SBF2: variants seen among roughly 807,000 people sequenced by gnomAD.
SBF2 encodes SET binding factor 2.
SBF2 carries 112 observed loss-of-function variants against 225.2 expected under a neutral mutation model. The observed-to-expected ratio is 0.50, with a 90% CI of 0.43 to 0.58. The LOEUF (loss-of-function observed/expected upper bound fraction) is 0.58. Among genes scored for constraint, SBF2 ranks in the 20% least tolerant of loss-of-function variants. The pLI, the probability that SBF2 is intolerant of heterozygous loss-of-function variation, is 0.00. For synonymous variants in SBF2, 763 were observed against 773.3 expected (o/e 0.99, Z 0.22); for missense variants, 1,996 against 2,206.2 (o/e 0.90, Z 1.91).
intron 1 of SBF2, among the ~76,000 whole-genome samples, chr11:10,227,101 T>C (rs1319721310): frequency 6.6e-6 from 1 of 152,112 alleles, no homozygotes; most frequent in African/African-American, 2.4e-5. Context: ...TTTCATGTGT[T>C]TTTTGGCTGC....
At chr11:9,922,604 T>A (rs1299233208) in intron 16 of SBF2, among the ~76,000 whole-genome samples, 1 of 152,202 alleles carries the variant, frequency 6.6e-6, no homozygotes, top group Non-Finnish European at 1.5e-5. Context: ...TTTAAAGAAA[T>A]GTTATTATGG....
intron 16 of SBF2, among the ~76,000 whole-genome samples, chr11:9,922,081 T>C (rs1211127065): frequency 1.3e-5 from 2 of 151,804 alleles, no homozygotes; most frequent in Non-Finnish European, 2.9e-5. Context: ...ACTCCGATTG[T>C]ACAAAAAACT....
At chr11:10,225,883 C>G (rs779219436) in intron 1 of SBF2, among the ~76,000 whole-genome samples, 4 of 152,228 alleles carry the variant, frequency 2.6e-5, no homozygotes, top group South Asian at 2.1e-4. Context: ...ATATACCCCA[C>G]AGTTTGAAAT....
At chr11:9,924,678 C>T (rs1863895381) in intron 16 of SBF2, among the ~76,000 whole-genome samples, 1 of 152,166 alleles carries the variant, frequency 6.6e-6, no homozygotes, top group African/African-American at 2.4e-5. Flanking sequence ...GCGATCCACC[C>T]CCCTCAGCCT....
chr11:9,829,438 G>T lies in SBF2; in HGVS notation c.3711C>A (p.Ala1237=), dbSNP rs772156189. 1 of 1,613,760 alleles carries T rather than the reference G, an allele frequency of 6.2e-7. No individual in the cohort carries two copies. The highest frequency in any genetic ancestry group is 8.5e-7 in the Non-Finnish European group (1 of 1,179,646). Reference sequence around the variant, plus strand: ...GATGGACAGAAACAGCATTCAGTAAGGCTTGCAAGTATTTCTCTTGTTCTA... The same window carrying T: ...GATGGACAGAAACAGCATTCAGTAATGCTTGCAAGTATTTCTCTTGTTCTA... ...SSIEQEKYLQ[A]LLNAVSVHQK... The change falls in exon 28 of 40, where the codon GCC becomes GCA. Residue 1237 remains alanine (A), a synonymous_variant. Transcript: ENST00000256190.
intron 17 of SBF2, among the ~76,000 whole-genome samples, chr11:9,892,981 T>C (rs1441630368): frequency 2.0e-5 from 3 of 152,232 alleles, no homozygotes; most frequent in Non-Finnish European, 1.5e-5. Context: ...CATGTCAATG[T>C]TTTATTAATG....
chr11:10,069,046 T>C (rs1472311914), intron 2 of SBF2, among the ~76,000 whole-genome samples: 3 of 152,206 alleles, frequency 2.0e-5, no homozygotes, highest in Admixed American at 6.5e-5. Context: ...TGCATTTACC[T>C]ACATATGTAT....
chr11:10,064,411 G>A (rs1455984179), intron 2 of SBF2, among the ~76,000 whole-genome samples: 2 of 151,792 alleles, frequency 1.3e-5, no homozygotes, highest in East Asian at 3.9e-4. Context: ...AAAAATAAAG[G>A]GTAAAAAGGA....
At chr11:10,022,435 T>C (rs1003201589) in intron 6 of SBF2, among the ~76,000 whole-genome samples, 2 of 152,104 alleles carry the variant, frequency 1.3e-5, no homozygotes, top group Non-Finnish European at 2.9e-5. Flanking sequence ...AGGACATAAA[T>C]AATTTTACAA....
chr11:10,238,136 C>T (rs769191932), intron 1 of SBF2, among the ~76,000 whole-genome samples: 14 of 152,116 alleles, frequency 9.2e-5, no homozygotes, highest in Non-Finnish European at 1.6e-4. Context: ...GGCTGGTGCA[C>T]GGTGGCTCAT....
rs150721106 is a variant in SBF2, at chr11:9,897,885, C to T, written c.1861-1874G>A. Among the ~76,000 whole-genome samples the T allele has an allele frequency of 5.3e-3, 814 of 152,268 alleles. 11 individuals carry two copies. In the Middle Eastern group the frequency reaches 0.068, roughly 13 times the overall value. ...TCAGTGTGGTGTTTTTTCCTCTAGA[C>T]ACTGCCTTTTGTACTTGCTTTCCTT... is the stretch of plus-strand genomic sequence containing the variant. On this transcript the variant is annotated intron_variant, in intron 16 of 39. Transcript: ENST00000256190.
In SBF2 at chr11:9,789,169, C is replaced by A. The variant is rs539369489; in HGVS notation, c.4872G>T (p.Val1624=). ...AGCTGACATCATCATAGCATGGCCA[C>A]ACTGTTCTCCTCTGGCTCCGTGGCC... ...EAGPRSQRRT[V]WPCYDDVSCT... is the part of the protein sequence containing the mutation. Residue 1624 remains valine (V), a synonymous_variant, in exon 35 of 40, where the codon GTG becomes GTT. Transcript: ENST00000256190. 98 of 1,614,032 alleles carry A rather than the reference C, an allele frequency of 6.1e-5. No individual in the cohort carries two copies. The highest frequency in any genetic ancestry group is 7.8e-5 in the Non-Finnish European group (92 of 1,180,036).
At chr11:10,128,047 T>C (rs1339428336) in intron 2 of SBF2, among the ~76,000 whole-genome samples, 4 of 152,210 alleles carry the variant, frequency 2.6e-5, no homozygotes, top group Non-Finnish European at 5.9e-5. Context: ...AGGTTAGCAT[T>C]CAGTATTACT....
rs1443844695 is a variant in SBF2 at position 10,190,424 on chromosome 11, CATT to C, written c.141+3475_141+3477del. 7.9e-5 allele frequency among the ~76,000 whole-genome samples: 12 copies of C among 152,254 alleles called. 1 individual carries two copies. The highest frequency in any genetic ancestry group is 7.8e-4 in the Admixed American group (12 of 15,302). On this transcript the variant is annotated intron_variant, in intron 2 of 39. Transcript: ENST00000256190. ...AATATCCCAGAATTGGAAAAGTAGT[CATT>C]ATGTTTGGTTTAGCTTACTTTCATA...
intron 17 of SBF2, among the ~76,000 whole-genome samples, chr11:9,881,414 T>C (rs1222749626): frequency 6.6e-6 from 1 of 152,136 alleles, no homozygotes; most frequent in East Asian, 1.9e-4. Context: ...ACAGTTGTTT[T>C]AGGAAGAACG....
intron 17 of SBF2, among the ~76,000 whole-genome samples, chr11:9,868,594 A>G (rs1858446993): frequency 6.6e-6 from 1 of 152,204 alleles, no homozygotes; most frequent in African/African-American, 2.4e-5. Flanking sequence ...AGTTTGCTTA[A>G]CTTGAGTAGG....
chr11:9,904,015 G>C (rs2134162632), intron 16 of SBF2, among the ~76,000 whole-genome samples: 1 of 152,212 alleles, frequency 6.6e-6, no homozygotes, highest in Admixed American at 6.6e-5. Context: ...GAGAGGCAAA[G>C]TGATAACTGC....
chr11:9,800,862 T>C (rs1853452180), intron 32 of SBF2, among the ~76,000 whole-genome samples: 1 of 152,182 alleles, frequency 6.6e-6, no homozygotes, highest in African/African-American at 2.4e-5. Context: ...TTGTAATATT[T>C]GTAGAATCTG....
intron 13 of SBF2, among the ~76,000 whole-genome samples, chr11:9,972,487 T>C (rs1305397507): frequency 6.6e-6 from 1 of 152,146 alleles, no homozygotes; most frequent in Non-Finnish European, 1.5e-5. Context: ...TTTTGTTTGT[T>C]TGTTTGTTTT....
Sources: allele counts gnomAD v4.1 joint callset (sites outside exome capture counted in the v4.1 genomes callset), GRCh38; gene constraint gnomAD v4.1.1; transcripts MANE v1.5; gene names NCBI Gene and HGNC (gene_info 2026-07-23, HGNC 2026-07-21).